ZBTB25: variants seen among roughly 807,000 people sequenced by gnomAD.
ZBTB25 encodes the protein zinc finger and BTB domain-containing protein 25.
ZBTB25 carries 20 observed loss-of-function variants against 34.2 expected under a neutral mutation model. The observed-to-expected ratio is 0.58, with a 90% CI of 0.41 to 0.85. ZBTB25 has a LOEUF of 0.85. Among genes scored for constraint, ZBTB25 ranks in the 40% least tolerant of loss-of-function variants. The pLI is 0.00. For synonymous variants in ZBTB25, 175 were observed against 186.4 expected, an observed-to-expected ratio of 0.94 and a Z score of 0.50; for missense variants, 437 against 521.8, an observed-to-expected ratio of 0.84 and a Z score of 1.58.
chr14:64,469,272 A>T (rs929068664), intron 2 of ZBTB25: 2 of 1,613,552 alleles, frequency 1.2e-6, no homozygotes, highest in African/African-American at 2.7e-5. Context: ...AATGGAAAAG[A>T]CTATGAAAGT....
upstream of ZBTB25, chr14:64,504,931 G>A: frequency 2.5e-6 from 1 of 395,828 alleles, no homozygotes; most frequent in East Asian, 3.6e-5. Context: ...CGCAGCTCTG[G>A]TTCCTGTTGC....
upstream of ZBTB25, chr14:64,504,685 G>A (rs1443188664): frequency 8.3e-6 from 3 of 360,836 alleles, no homozygotes; most frequent in Non-Finnish European, 1.5e-5. Context: ...GCAGCGAACT[G>A]GTGGGCAGAC....
chr14:64,494,072 A>T (rs1234546650), intron 1 of ZBTB25, among the ~76,000 whole-genome samples: 1 of 152,218 alleles, frequency 6.6e-6, no homozygotes, highest in African/African-American at 2.4e-5. Flanking sequence ...AGAATGAAAT[A>T]AGAGGGAAAA....
chr14:64,504,604 C>G (rs557487578), upstream of ZBTB25: 292 of 276,494 alleles, frequency 1.1e-3, no homozygotes, highest in Middle Eastern at 9.3e-3. Flanking sequence ...AACAGGCGAC[C>G]GCGGGTGCCC....
chr14:64,479,280 G>A lies in ZBTB25; in HGVS notation c.*7643C>T, dbSNP rs1216965088. ...TTTTGAGGTACATATTCTGTATTGCGGGAGGCTGTCCTCTGCACTGAGATG... is the reference window on the plus strand; with the variant it reads ...TTTTGAGGTACATATTCTGTATTGCAGGAGGCTGTCCTCTGCACTGAGATG... On this transcript the variant is annotated 3_prime_UTR_variant, in exon 3 of 3. Coordinates refer to ENST00000608382, the MANE Select transcript of ZBTB25 (RefSeq NM_006977.5). 7 of 152,016 alleles carry A rather than the reference G, an allele frequency of 4.6e-5. No individual in the cohort carries two copies. The highest frequency in any genetic ancestry group is 7.3e-5 in the African/African-American group (3 of 41,358). The allele number at this position is 152,016 out of a possible 1,614,324, so 9.4% of individuals were successfully genotyped here.
chr14:64,503,565 C>T (rs1338442388), intron 1 of ZBTB25, 96 bp downstream of exon 1: 1 of 985,946 alleles, frequency 1.0e-6, no homozygotes, highest in Non-Finnish European at 1.2e-6. Context: ...GCATCTGTCC[C>T]GCGACTGGTG....
chr14:64,460,444 T>C (rs1330587171), intron 2 of ZBTB25: 1 of 152,442 alleles, frequency 6.6e-6, no homozygotes, highest in Non-Finnish European at 1.5e-5. Context: ...CAAGTATTCA[T>C]TGAGTTTCTT....
In ZBTB25 at chr14:64,479,204, A is replaced by C. The variant is rs1596600506; in HGVS notation, c.*7719T>G. The C allele has an allele frequency of 2.6e-5, 4 of 152,296 alleles. No individual in the cohort carries two copies. The East Asian group carries it at 7.7e-4, about 29-fold the overall frequency. The allele number at this position is 152,296 out of a possible 1,614,324, so 9.4% of individuals were successfully genotyped here. A position where few individuals can be genotyped will look rare whatever the true frequency, so the allele number is the denominator to read the frequency against. The stretch of plus-strand genomic sequence containing the variant: ...TCTTTTATTCCTGACAGCCATCACA[A>C]AACTTACTTTAAGGTCTCAGAAGGG... On this transcript the variant is annotated 3_prime_UTR_variant, in exon 3 of 3. Transcript: ENST00000608382.
rs370419304 is a variant in ZBTB25 at position 64,469,398 on chromosome 14, T to C, written c.174-19760A>G. ...TCCAAATCAGAAGAAAGCAAAAGAA[T>C]GGAGCCAATTGCTATTATTATTACA... On this transcript the variant is annotated intron_variant, in intron 2 of 2. Coordinates refer to the ZBTB25 transcript ENST00000555220. The C allele has an allele frequency of 9.9e-6, 16 of 1,613,888 alleles. No homozygotes were observed. The highest frequency in any genetic ancestry group is 1.4e-5 in the Non-Finnish European group (16 of 1,179,956).
chr14:64,487,078 C>G lies in ZBTB25; in HGVS notation c.1153G>C (p.Gly385Arg), dbSNP rs2078887432. Reference protein sequence around the residue: ...SYRYNRCQRFGNALAQRFQPY... With the variant: ...SYRYNRCQRFRNALAQRFQPY... ...TGAAATCTCTGGGCCAATGCATTACCAAACCTTTGGCATCGGTTATATCTG... is the reference window on the plus strand; with the variant it reads ...TGAAATCTCTGGGCCAATGCATTACGAAACCTTTGGCATCGGTTATATCTG... Residue 385 changes from glycine (G) to arginine (R), a missense_variant, in exon 3 of 3, where the codon GGT becomes CGT. Gly to Arg is a moderately radical substitution (Grantham distance 125, BLOSUM62 -2). Transcript: ENST00000608382. 1 of 1,614,092 alleles carries G rather than the reference C, an allele frequency of 6.2e-7. No homozygotes were observed. The highest frequency in any genetic ancestry group is 1.7e-5 in the Admixed American group (1 of 60,008).
At chr14:64,455,059 G>A in intron 2 of ZBTB25, 1 of 634,982 alleles carries the variant, frequency 1.6e-6, no homozygotes, top group Admixed American at 2.5e-5. Context: ...CTCTTGCTGT[G>A]GACCATCTTG....
downstream of ZBTB25, among the ~76,000 whole-genome samples, chr14:64,477,094 T>C (rs1019060736): frequency 6.6e-6 from 1 of 152,250 alleles, no homozygotes; most frequent in Non-Finnish European, 1.5e-5. Flanking sequence ...CACTTGTCTA[T>C]CTTAGTTTAA....
At position 64,486,706 on chromosome 14, in the gene ZBTB25, T is replaced by C. The variant is rs2078871430; in HGVS notation, c.*217A>G. 1 of 1,193,768 alleles carries C rather than the reference T, an allele frequency of 8.4e-7. No individual in the cohort carries two copies. The highest frequency in any genetic ancestry group is 1.6e-5 in the African/African-American group (1 of 63,616). The allele number at this position is 1,193,768 out of a possible 1,614,324, so 73.9% of individuals were successfully genotyped here. On this transcript the variant is annotated 3_prime_UTR_variant, in exon 3 of 3. Coordinates refer to ENST00000608382, the MANE Select transcript of ZBTB25 (RefSeq NM_006977.5). ...TCTGATTTCTAAATTGTTATTTCGT[T>C]TGTGAAAAGTTCACAGTAGTAATTG... is the stretch of plus-strand genomic sequence containing the variant.
chr14:64,502,672 T>C (rs1013874682), intron 1 of ZBTB25: 20 of 985,442 alleles, frequency 2.0e-5, no homozygotes, highest in Non-Finnish European at 2.3e-5. Flanking sequence ...ATACATTCTC[T>C]ACAGGTGAGT....
intron 2 of ZBTB25, chr14:64,466,969 T>A (rs1445989778): frequency 6.6e-6 from 1 of 152,206 alleles, no homozygotes; most frequent in African/African-American, 2.4e-5. Flanking sequence ...GCTTTTAAAT[T>A]AGTTCCTGAA....
chr14:64,493,748 C>A (rs950947807), intron 1 of ZBTB25, among the ~76,000 whole-genome samples: 2 of 151,610 alleles, frequency 1.3e-5, no homozygotes, highest in Non-Finnish European at 2.9e-5. Context: ...TTCAGAGTAA[C>A]TGCCATGTGC....
intron 2 of ZBTB25, chr14:64,454,808 T>G: frequency 1.2e-6 from 2 of 1,614,214 alleles, no homozygotes; most frequent in Non-Finnish European, 1.7e-6. Context: ...CCTACAGGCT[T>G]CATTCTGCCC....
chr14:64,457,044 TAGTG>T (rs1391139581), intron 2 of ZBTB25, among the ~76,000 whole-genome samples: 1 of 152,154 alleles, frequency 6.6e-6, no homozygotes, highest in Non-Finnish European at 1.5e-5. Context: ...TTTAGAAAAG[TAGTG>T]AGTACAAATA....
rs556678962 is a variant in ZBTB25, at chr14:64,486,552, T to C, written c.*371A>G. 698 of 946,140 alleles carry C rather than the reference T, an allele frequency of 7.4e-4. 2 individuals carry two copies. Among genetic ancestry groups the C allele is most frequent in the Admixed American group, 1.1e-3 (18 of 16,698 alleles). The allele number at this position is 946,140 out of a possible 1,614,324, so 58.6% of individuals were successfully genotyped here. A position where few individuals can be genotyped will look rare whatever the true frequency, so the allele number is the denominator to read the frequency against. ...TCATGTGAAATGTAGGCAGAAGTGA[T>C]AGTTTAGAATATGCTTTAAAACAGA... On this transcript the variant is annotated 3_prime_UTR_variant, in exon 3 of 3. Coordinates refer to ENST00000608382, the MANE Select transcript of ZBTB25 (RefSeq NM_006977.5).
Sources: gnomAD v4.1 joint callset for allele counts (sites outside exome capture counted in the v4.1 genomes callset) on GRCh38, gnomAD v4.1.1 for gene constraint, MANE v1.5 for transcripts, NCBI Gene and HGNC (gene_info 2026-07-23, HGNC 2026-07-21) for gene names.